Variants in EXT1 observed in about 807,000 individuals in gnomAD.
EXT1 encodes exostosin-1.
A neutral mutation model predicts 82.5 loss-of-function variants in EXT1; 20 were observed. That is an observed-to-expected ratio of 0.24 (90% CI 0.17 to 0.35). The LOEUF is 0.35. Among genes scored for constraint, EXT1 ranks in the 10% least tolerant of loss-of-function variants. EXT1 has a pLI of 1.00. For missense variants in EXT1, 757 were observed against 936.5 expected, an observed-to-expected ratio of 0.81 and a Z score of 2.50; for synonymous variants, 348 against 350.8, an observed-to-expected ratio of 0.99 and a Z score of 0.09.
intron 1 of EXT1, among the ~76,000 whole-genome samples, chr8:118,077,464 T>C (rs1433843266): frequency 6.6e-6 from 1 of 152,228 alleles, no homozygotes; most frequent in Admixed American, 6.5e-5. Flanking sequence ...TCCTTACTGC[T>C]ACAAGAGCCT....
At chr8:118,019,399 C>A (rs1304790679) in intron 1 of EXT1, among the ~76,000 whole-genome samples, 1 of 152,080 alleles carries the variant, frequency 6.6e-6, no homozygotes, top group Non-Finnish European at 1.5e-5. Flanking sequence ...TGTTTGTGGA[C>A]AGAGAGAAAG....
chr8:117,809,618 C>G (rs1406578800), intron 8 of EXT1, among the ~76,000 whole-genome samples: 2 of 143,904 alleles, frequency 1.4e-5, no homozygotes, highest in Non-Finnish European at 3.0e-5. Context: ...TCGTGGGCGG[C>G]AGAGTGAGAC....
At chr8:117,972,468 A>G (rs1457597067) in intron 1 of EXT1, among the ~76,000 whole-genome samples, 2 of 152,244 alleles carry the variant, frequency 1.3e-5, no homozygotes, top group Non-Finnish European at 2.9e-5. Flanking sequence ...TCAAATGGTA[A>G]AAGAGGTGAA....
chr8:117,842,902 G>A (rs890343706), intron 1 of EXT1, among the ~76,000 whole-genome samples: 5 of 152,188 alleles, frequency 3.3e-5, no homozygotes, highest in Non-Finnish European at 5.9e-5. Context: ...GCTAACCAAA[G>A]ACGATAGGGA....
intron 1 of EXT1, among the ~76,000 whole-genome samples, chr8:118,107,135 T>C (rs1817815023): frequency 6.6e-6 from 1 of 152,224 alleles, no homozygotes; most frequent in Admixed American, 6.5e-5. Flanking sequence ...CAACCTTTTT[T>C]TAGTTGAAAC....
chr8:118,059,771 T>C (rs934604087), intron 1 of EXT1, among the ~76,000 whole-genome samples: 1 of 152,220 alleles, frequency 6.6e-6, no homozygotes, highest in Admixed American at 6.5e-5. Flanking sequence ...CCAATTTCTA[T>C]AATAAATCCC....
At chr8:118,022,772 G>A (rs958524530) in intron 1 of EXT1, among the ~76,000 whole-genome samples, 3 of 152,068 alleles carry the variant, frequency 2.0e-5, no homozygotes, top group Admixed American at 6.6e-5. Flanking sequence ...GGAATGCAAC[G>A]AGACAGGTTA....
At chr8:117,938,344 C>A (rs111895308) in intron 1 of EXT1, among the ~76,000 whole-genome samples, 1 of 152,052 alleles carries the variant, frequency 6.6e-6, no homozygotes, top group Non-Finnish European at 1.5e-5. Flanking sequence ...GACCTGTAAT[C>A]CCAGCTACTC....
chr8:118,066,332 CTTTATTTA>C (rs71307424), intron 1 of EXT1, among the ~76,000 whole-genome samples: 4,727 of 143,890 alleles, frequency 0.033, 183 homozygotes, highest in African/African-American at 0.099. Context: ...TTTTCTCTAG[CTTTATTTA>C]TTTATTTATT....
chr8:118,103,778 T>G (rs1817764519), intron 1 of EXT1, among the ~76,000 whole-genome samples: 1 of 152,168 alleles, frequency 6.6e-6, no homozygotes, highest in African/African-American at 2.4e-5. Context: ...ACAAGCAGAA[T>G]CTACATAGAA....
At chr8:117,953,864 C>T (rs1292696593) in intron 1 of EXT1, among the ~76,000 whole-genome samples, 1 of 151,912 alleles carries the variant, frequency 6.6e-6, no homozygotes, top group East Asian at 1.9e-4. Flanking sequence ...GAGCCAAGAT[C>T]GCACCACTGC....
intron 1 of EXT1, among the ~76,000 whole-genome samples, chr8:118,038,812 C>T (rs1265801110): frequency 6.6e-6 from 1 of 152,162 alleles, no homozygotes; most frequent in Non-Finnish European, 1.5e-5. Flanking sequence ...CCACTCACTG[C>T]CTGCACTGAT....
intron 4 of EXT1, 69 bp downstream of exon 4, chr8:117,830,161 A>G: frequency 6.2e-7 from 1 of 1,607,542 alleles, no homozygotes; most frequent in Non-Finnish European, 8.5e-7. Context: ...CCTAATAGCA[A>G]AACAGAAGGC....
chr8:117,939,761 T>C (rs938265639), intron 1 of EXT1, among the ~76,000 whole-genome samples: 1 of 152,220 alleles, frequency 6.6e-6, no homozygotes, highest in African/African-American at 2.4e-5. Flanking sequence ...CCTTTATTCC[T>C]TTCATTATTC....
At chr8:117,966,521 T>C (rs531232836) in intron 1 of EXT1, among the ~76,000 whole-genome samples, 2 of 152,322 alleles carry the variant, frequency 1.3e-5, no homozygotes, top group Non-Finnish European at 2.9e-5. Context: ...CTAGTTAGCA[T>C]AGGGACCAGG....
intron 1 of EXT1, among the ~76,000 whole-genome samples, chr8:117,855,856 G>C (rs1812537453): frequency 6.6e-6 from 1 of 152,112 alleles, no homozygotes; most frequent in Admixed American, 6.5e-5. Flanking sequence ...TTTTAGTAGA[G>C]ACAGGGTTTC....
chr8:117,988,586 G>A (rs1344841275), intron 1 of EXT1, among the ~76,000 whole-genome samples: 2 of 152,194 alleles, frequency 1.3e-5, no homozygotes, highest in Non-Finnish European at 2.9e-5. Flanking sequence ...GATCGGCCGG[G>A]CAGAGAGGAA....
intron 1 of EXT1, among the ~76,000 whole-genome samples, chr8:117,840,699 C>T (rs1812261890): frequency 6.6e-6 from 1 of 151,156 alleles, no homozygotes; most frequent in Non-Finnish European, 1.5e-5. Context: ...ATAAAGAACT[C>T]TTCTGACTCA....
chr8:117,965,124 CTTG>C (rs1442999138), intron 1 of EXT1, among the ~76,000 whole-genome samples: 2 of 149,668 alleles, frequency 1.3e-5, no homozygotes, highest in Non-Finnish European at 3.0e-5. Flanking sequence ...TACGTAGTGT[CTTG>C]TTTTTTTGTT....
Sources: gnomAD v4.1 joint callset for allele counts (sites outside exome capture counted in the v4.1 genomes callset) on GRCh38, gnomAD v4.1.1 for gene constraint, MANE v1.5 for transcripts, NCBI Gene and HGNC (gene_info 2026-07-23, HGNC 2026-07-21) for gene names.